The following BCL11A variants were observed in gnomAD, a reference collection of about 807,000 sequenced individuals.
The protein encoded by BCL11A is BCL11 transcription factor A.
A neutral mutation model predicts 55.9 loss-of-function variants in BCL11A; 2 were observed. The observed-to-expected ratio is 0.04, with a 90% CI of 0.01 to 0.11. BCL11A has a LOEUF of 0.11. Ranked by LOEUF, BCL11A falls within the 10% of genes least tolerant of loss-of-function variation. BCL11A has a pLI of 1.00. For missense variants in BCL11A, 817 were observed against 1,137.1 expected (o/e 0.72, Z 4.05); for synonymous variants, 465 against 473.4 (o/e 0.98, Z 0.23).
At chr2:60,474,992 G>A (rs1258335146) in intron 2 of BCL11A, among the ~76,000 whole-genome samples, 1 of 152,188 alleles carries the variant, frequency 6.6e-6, no homozygotes, top group Non-Finnish European at 1.5e-5. Context: ...TGGAAGGGAG[G>A]GAGAGAGGCT....
In BCL11A at chr2:60,461,365, C is replaced by T. The variant is rs1676269843; in HGVS notation, c.1547G>A (p.Gly516Glu). 1 of 1,605,898 alleles carries T rather than the reference C, an allele frequency of 6.2e-7. No homozygotes were observed. Among genetic ancestry groups the T allele is most frequent in the Middle Eastern group, 1.7e-4 (1 of 6,054 alleles). ...TESERVDYGF[G>E]LSLEAARHHE... ...GTGGCGCGCCGCCTCCAGGCTCAGC[C>T]CGAAGCCGTAGTCCACCCTCTCGCT... Residue 516 changes from glycine (G) to glutamate (E), a missense_variant, in exon 4 of 4, where the codon GGG becomes GAG. Gly to Glu is a moderately conservative substitution (Grantham distance 98). This residue lies in a region of BCL11A where 379 missense variants were observed against 425.3 expected (regional missense o/e 0.89). Transcript: ENST00000642384.
At position 60,457,461 on chromosome 2, in the gene BCL11A, T is replaced by C. The variant is rs1247052211; in HGVS notation, c.*2943A>G. 8.7e-6 allele frequency: 9 copies of C among 1,039,204 alleles called. No individual in the cohort carries two copies. Among genetic ancestry groups the C allele is most frequent in the Admixed American group, 5.6e-5 (1 of 17,844 alleles). The allele number at this position is 1,039,204 out of a possible 1,614,324, so 64.4% of individuals were successfully genotyped here. The stretch of plus-strand genomic sequence containing the variant: ...AAGCAATAATAAATAGTGACTCCCA[T>C]AGTAAAAGATAAAATTTCAAGTTAC... On this transcript the variant is annotated 3_prime_UTR_variant, in exon 4 of 4. Coordinates refer to ENST00000642384, the MANE Select transcript of BCL11A (RefSeq NM_022893.4).
Position 60,458,318 on chromosome 2 carries a change from T to C in BCL11A, c.*2086A>G. Reference sequence around the variant, plus strand: ...TGAAGAGCGGTGTGTATCCAAGGCATAGAATTTCCACTACCATTTTTAAAT... The same window carrying C: ...TGAAGAGCGGTGTGTATCCAAGGCACAGAATTTCCACTACCATTTTTAAAT... On this transcript the variant is annotated 3_prime_UTR_variant, in exon 4 of 4. Coordinates refer to ENST00000642384, the MANE Select transcript of BCL11A (RefSeq NM_022893.4). The C allele has an allele frequency of 9.7e-7, 1 of 1,027,366 alleles. No homozygotes were observed. Among genetic ancestry groups the C allele is most frequent in the Non-Finnish European group, 1.2e-6 (1 of 855,014 alleles). 63.6% of individuals were successfully genotyped at this position (1,027,366 alleles called of 1,614,324 possible).
At chr2:60,480,428 C>T (rs1677885046) in intron 2 of BCL11A, among the ~76,000 whole-genome samples, 1 of 152,288 alleles carries the variant, frequency 6.6e-6, no homozygotes, top group African/African-American at 2.4e-5. Flanking sequence ...AAGCGCTGTG[C>T]AGTGAACTTT....
chr2:60,493,486 A>T (rs1678766997), intron 2 of BCL11A, among the ~76,000 whole-genome samples: 1 of 152,068 alleles, frequency 6.6e-6, no homozygotes, highest in Non-Finnish European at 1.5e-5. Context: ...TCAGCTACCA[A>T]ATGTCATCCT....
intron 2 of BCL11A, among the ~76,000 whole-genome samples, chr2:60,469,353 C>G (rs1038829425): frequency 2.0e-5 from 3 of 152,190 alleles, no homozygotes; most frequent in African/African-American, 7.2e-5. Context: ...CCCTCTGCCC[C>G]CCTCTTCCCA....
Position 60,461,385 on chromosome 2 carries a change from C to G in BCL11A, c.1527G>C (p.Glu509Asp). ...TCAGCCCGAAGCCGTAGTCCACCCT[C>G]TCGCTCTCCGTCAGCTCCTCCTCCT... The part of the protein sequence containing the change: ...EEEEEELTES[E>D]RVDYGFGLSL... Residue 509 changes from glutamate (E) to aspartate (D), a missense_variant, in exon 4 of 4, where the codon GAG (glutamate) becomes GAC (aspartate). Physicochemically the swap from Glu to Asp is conservative, Grantham distance 45 (BLOSUM62 2). Transcript: ENST00000642384. 2.5e-6 allele frequency: 4 copies of G among 1,606,042 alleles called. No homozygotes were observed. The highest frequency in any genetic ancestry group is 3.4e-6 in the Non-Finnish European group (4 of 1,179,118).
chr2:60,531,730 A>C (rs536443390), intron 2 of BCL11A, among the ~76,000 whole-genome samples: 1 of 152,314 alleles, frequency 6.6e-6, no homozygotes, highest in South Asian at 2.1e-4. Flanking sequence ...CGCTGACCCC[A>C]GTACCCAAGG....
Position 60,545,810 on chromosome 2 carries a change from C to G in BCL11A, c.385+161G>C, listed in dbSNP as rs929589205. 9 of 658,934 alleles carry G rather than the reference C, an allele frequency of 1.4e-5. No individual in the cohort carries two copies. The South Asian group carries it at 1.7e-4, about 12-fold the overall frequency. The allele number at this position is 658,934 out of a possible 1,614,324, so 40.8% of individuals were successfully genotyped here. On this transcript the variant is annotated intron_variant, in intron 2 of 3. Transcript: ENST00000642384. The stretch of plus-strand genomic sequence containing the variant: ...AATATTTATTTTTCTGTGTTCTGGA[C>G]GTAAGCAACAGAAATGATTATTTTA...
intron 2 of BCL11A, among the ~76,000 whole-genome samples, chr2:60,513,312 A>T (rs900421221): frequency 6.6e-6 from 1 of 152,144 alleles, no homozygotes; most frequent in Admixed American, 6.5e-5. Flanking sequence ...AGGAGGGGAC[A>T]AGGAATTTAG....
Position 60,462,315 on chromosome 2 carries a change from T to C in BCL11A, c.597A>G (p.Leu199=). ...TCAGGGGACTTCCGTGTTCGCTTTC[T>C]AAGTAGATTCTTAATCCATGAGTGT... ...AQNTHGLRIY[L]ESEHGSPLTP... The change falls in exon 4 of 4, where the codon TTA becomes TTG. Residue 199 remains leucine (L), a synonymous_variant. Transcript: ENST00000642384. 6.2e-7 allele frequency: 1 copy of C among 1,614,176 alleles called. No homozygotes were observed. Among genetic ancestry groups the C allele is most frequent in the South Asian group, 1.1e-5 (1 of 91,078 alleles).
intron 2 of BCL11A, among the ~76,000 whole-genome samples, chr2:60,510,795 G>A (rs1300069180): frequency 2.6e-5 from 4 of 152,338 alleles, no homozygotes; most frequent in African/African-American, 7.2e-5. Context: ...CAACCTGGGG[G>A]CACTTTAGCT....
Position 60,457,950 on chromosome 2 carries a change from C to CT in BCL11A, c.*2453dup. On this transcript the variant is annotated 3_prime_UTR_variant, in exon 4 of 4. Coordinates refer to ENST00000642384, the MANE Select transcript of BCL11A (RefSeq NM_022893.4). ...TGTAATGTCACACTTTTTTGTTTCT[C>CT]TCTTTTTTTTTTTTTTGAAGCATAC... The CT allele has an allele frequency of 9.6e-7, 1 of 1,036,508 alleles. No homozygotes were observed. Among genetic ancestry groups the CT allele is most frequent in the African/African-American group, 1.7e-5 (1 of 59,110 alleles). 64.2% of individuals were successfully genotyped at this position (1,036,508 alleles called of 1,614,324 possible).
intron 2 of BCL11A, among the ~76,000 whole-genome samples, chr2:60,519,447 T>C (rs1668875004): frequency 6.6e-6 from 1 of 152,138 alleles, no homozygotes. Context: ...GTGCCAAAAA[T>C]GTGTCTATAA....
intron 2 of BCL11A, among the ~76,000 whole-genome samples, chr2:60,475,199 C>G (rs151334637): frequency 1.3e-5 from 2 of 152,168 alleles, no homozygotes. Flanking sequence ...GCGGAGGATA[C>G]GACCATCTAA....
rs1023089770 is a variant in BCL11A, at chr2:60,525,411, A to G, written c.385+20560T>C. 2.0e-5 allele frequency: 3 copies of G among 152,242 alleles called. No homozygotes were observed. In the South Asian group the frequency reaches 6.2e-4, roughly 31 times the overall value. The allele number at this position is 152,242 out of a possible 1,614,324, so 9.4% of individuals were successfully genotyped here. ...TATACTGCACTTCAATTTTGCTTCC[A>G]GCAATTTGAAAGATGCCTTTAAGCT... is the stretch of plus-strand genomic sequence containing the variant. On this transcript the variant is annotated intron_variant, in intron 2 of 3. Transcript: ENST00000642384.
chr2:60,462,284 G>T lies in BCL11A; in HGVS notation c.628C>A (p.Arg210=). Residue 210 remains arginine (R), a synonymous_variant, in exon 4 of 4, where the codon CGG becomes AGG. Coordinates refer to ENST00000642384, the MANE Select transcript of BCL11A (RefSeq NM_022893.4). ...ESEHGSPLTP[R]VGIPSGLGAE... ...CCTAGTCCTGAAGGGATACCAACCC[G>T]CGGGGTCAGGGGACTTCCGTGTTCG... The T allele has an allele frequency of 6.2e-7, 1 of 1,614,144 alleles. No homozygotes were observed. The highest frequency in any genetic ancestry group is 8.5e-7 in the Non-Finnish European group (1 of 1,180,036).
At chr2:60,519,663 G>A (rs1347864544) in intron 2 of BCL11A, among the ~76,000 whole-genome samples, 1 of 152,168 alleles carries the variant, frequency 6.6e-6, no homozygotes, top group Non-Finnish European at 1.5e-5. Flanking sequence ...GAGAAAGTGA[G>A]GCTGGAACCA....
At chr2:60,476,746 C>G (rs1284470722) in intron 2 of BCL11A, among the ~76,000 whole-genome samples, 1 of 152,190 alleles carries the variant, frequency 6.6e-6, no homozygotes, top group African/African-American at 2.4e-5. Context: ...TCCTCTCTGT[C>G]AAGTAGTTAA....
Sources: gnomAD v4.1 joint callset for allele counts (sites outside exome capture counted in the v4.1 genomes callset) on GRCh38, gnomAD v4.1.1 for gene constraint, gnomAD v4.1.1 regional missense constraint, MANE v1.5 for transcripts, NCBI Gene and HGNC (gene_info 2026-07-23, HGNC 2026-07-21) for gene names.